SIDT2: variants seen among roughly 807,000 people sequenced by gnomAD.
The protein encoded by SIDT2 is SID1 transmembrane family member 2.
Under a neutral mutation model 114.4 loss-of-function variants are expected in SIDT2, and 68 were observed. The ratio of observed to expected loss-of-function variants is 0.59; its 90% CI spans 0.49 to 0.73. The LOEUF is 0.73. Ranked by LOEUF, SIDT2 falls within the 30% of genes least tolerant of loss-of-function variation. SIDT2 has a pLI of 0.00. For missense variants in SIDT2, 918 were observed against 1,097.1 expected, an observed-to-expected ratio of 0.84 and a Z score of 2.31; for synonymous variants, 470 against 438.4, an observed-to-expected ratio of 1.07 and a Z score of -0.90.
intron 2 of SIDT2, 105 bp from the exon 3 acceptor site, chr11:117,181,702 G>C: frequency 6.3e-7 from 1 of 1,578,568 alleles, no homozygotes; most frequent in Non-Finnish European, 8.6e-7. Context: ...GCACCTCGCA[G>C]GGAGGTGGTG....
At position 117,179,297 on chromosome 11, in the gene SIDT2, TTGG is replaced by T. The variant is rs2030166852; in HGVS notation, c.38_40del (p.Val13del). ...TCTGGGCTTGCCCTTCTTGGTGCTCTTGGTGGCCTCGGTCGAGAGCCATCTGGG... is the reference window on the plus strand; with the variant it reads ...TCTGGGCTTGCCCTTCTTGGTGCTCTTGGCCTCGGTCGAGAGCCATCTGGG... On this transcript the variant is annotated inframe_deletion, in exon 1 of 26. Transcript: ENST00000324225. The T allele has an allele frequency of 6.2e-7, 1 of 1,614,050 alleles. No individual in the cohort carries two copies. The highest frequency in any genetic ancestry group is 8.5e-7 in the Non-Finnish European group (1 of 1,179,982).
intron 4 of SIDT2, 55 bp downstream of exon 4, chr11:117,182,160 G>C (rs1400479096): frequency 6.3e-7 from 1 of 1,598,078 alleles, no homozygotes; most frequent in African/African-American, 1.3e-5. Context: ...TTGAATATGA[G>C]AATGGGAGTG....
Position 117,192,641 on chromosome 11 carries a change from G to C in SIDT2, c.2049G>C (p.Pro683=). 2 of 1,612,372 alleles carry C rather than the reference G, an allele frequency of 1.2e-6. No homozygotes were observed. The highest frequency in any genetic ancestry group is 8.5e-7 in the Non-Finnish European group (1 of 1,180,036). The change falls in exon 21 of 26, where the codon CCG becomes CCC. Residue 683 remains proline, a synonymous_variant. Coordinates refer to ENST00000324225, the MANE Select transcript of SIDT2 (RefSeq NM_001040455.2). This position sits in a 1 kb window ranked among gnomAD's most constrained non-coding sequence, Gnocchi z 5.9. ...YTDCIRQCSG[P]LYVDRMVLLV... ...ACTGCATCCGGCAGTGCAGCGGGCC[G>C]CTCTACGTGGTACCTGCCTGGTTCC...
At chr11:117,179,655 A>G in intron 1 of SIDT2, 1 of 555,274 alleles carries the variant, frequency 1.8e-6, no homozygotes, top group Non-Finnish European at 3.1e-6. Flanking sequence ...CAGTTTTTGA[A>G]GTTGGCTCAT....
chr11:117,184,020 G>T, intron 7 of SIDT2, 54 bp from the exon 8 acceptor site: 1 of 1,603,052 alleles, frequency 6.2e-7, no homozygotes, highest in South Asian at 1.1e-5. Flanking sequence ...TGATCCCACT[G>T]ACTCTAGCCA....
chr11:117,191,567 G>C (rs1460942767), intron 18 of SIDT2: 2 of 333,606 alleles, frequency 6.0e-6, no homozygotes, highest in East Asian at 6.6e-5. Context: ...CTGGGCGACA[G>C]AGTGAGACTC....
rs201794402 is a variant in SIDT2 at position 117,190,075 on chromosome 11, G to T, written c.1493+50G>T. 13 of 1,613,884 alleles carry T rather than the reference G, an allele frequency of 8.1e-6. No individual in the cohort carries two copies. The East Asian group carries it at 2.0e-4, about 25-fold the overall frequency. ...TTGTCCAGGCCAAGGGTGAAATGGG[G>T]CAGGGCCTGGGGCTTTGCAATGCCC... On this transcript the variant is annotated intron_variant, in intron 16 of 25. Coordinates refer to ENST00000324225, the MANE Select transcript of SIDT2 (RefSeq NM_001040455.2). This position sits in a 1 kb window ranked among gnomAD's most constrained non-coding sequence, Gnocchi z 4.1.
chr11:117,183,905 A>G (rs769510175), intron 7 of SIDT2, 27 bp downstream of exon 7: 8 of 1,569,958 alleles, frequency 5.1e-6, no homozygotes, highest in Middle Eastern at 1.7e-4. Context: ...GGGCCTGGCT[A>G]GGGATGGGGA....
At chr11:117,191,320 A>G (rs1165150245) in intron 18 of SIDT2, 1 of 152,770 alleles carries the variant, frequency 6.5e-6, no homozygotes, top group African/African-American at 2.5e-5. Flanking sequence ...ACTGTGGCTC[A>G]TGCCTGTAAT....
intron 24 of SIDT2, among the ~76,000 whole-genome samples, chr11:117,194,665 G>A (rs1336962571): frequency 2.0e-5 from 3 of 152,218 alleles, no homozygotes; most frequent in South Asian, 2.1e-4. Flanking sequence ...TGCTGTTTAC[G>A]ATGTGATACA....
At chr11:117,182,371 G>T in intron 4 of SIDT2, 148 bp from the exon 5 acceptor site, 1 of 756,280 alleles carries the variant, frequency 1.3e-6, no homozygotes, top group Non-Finnish European at 2.2e-6. Context: ...AGGGGCTGCT[G>T]TGATCAAGGC....
Position 117,178,876 on chromosome 11 carries a change from G to GC in SIDT2, c.-386dup, listed in dbSNP as rs1431495357. The stretch of plus-strand genomic sequence containing the variant: ...ACTCTGCGACTCGCCTTCCTCCGCG[G>GC]CCAGCCCCCGCCGCCGGCTCTTCCT... On this transcript the variant is annotated 5_prime_UTR_variant, in exon 1 of 26. Transcript: ENST00000324225. 2.0e-5 allele frequency: 4 copies of GC among 203,598 alleles called. No homozygotes were observed. The highest frequency in any genetic ancestry group is 4.0e-5 in the Non-Finnish European group (4 of 99,750). The allele number at this position is 203,598 out of a possible 1,614,324, so 12.6% of individuals were successfully genotyped here.
At chr11:117,181,633 C>A (rs1261085244) in intron 2 of SIDT2, 96 bp downstream of exon 2, 5 of 1,591,546 alleles carry the variant, frequency 3.1e-6, no homozygotes, top group African/African-American at 1.3e-5. Flanking sequence ...CTCCCCTTTC[C>A]CTGGGCTGGG....
chr11:117,181,602 C>G, intron 2 of SIDT2, 65 bp downstream of exon 2: 4 of 1,605,864 alleles, frequency 2.5e-6, no homozygotes, highest in Non-Finnish European at 3.4e-6. Flanking sequence ...GGAGCCTCAA[C>G]CAGGAGCCCC....
In SIDT2 at chr11:117,190,492, C is replaced by A; in HGVS notation, c.1618-131C>A. 2 of 1,097,234 alleles carry A rather than the reference C, an allele frequency of 1.8e-6. No individual in the cohort carries two copies. The highest frequency in any genetic ancestry group is 2.6e-6 in the Non-Finnish European group (2 of 768,624). 68.0% of individuals were successfully genotyped at this position (1,097,234 alleles called of 1,614,324 possible). On this transcript the variant is annotated intron_variant, in intron 17 of 25. Coordinates refer to ENST00000324225, the MANE Select transcript of SIDT2 (RefSeq NM_001040455.2). The surrounding 1 kb of genome is among the most constrained non-coding windows in gnomAD (Gnocchi z 4.1). ...CCAGCCTGCCCAGGCCAGCCCACCC[C>A]TGCACACCCACACTCGACACATACC...
At chr11:117,184,186 T>G in intron 8 of SIDT2, 47 bp downstream of exon 8, 3 of 1,586,454 alleles carry the variant, frequency 1.9e-6, no homozygotes, top group Non-Finnish European at 2.6e-6. Flanking sequence ...CCTCTCTGGC[T>G]CCTGCTTTCA....
rs773631722 is a variant in SIDT2, at chr11:117,197,124, G to T, written c.*1058G>T. On this transcript the variant is annotated 3_prime_UTR_variant, in exon 26 of 26. Coordinates refer to ENST00000324225, the MANE Select transcript of SIDT2 (RefSeq NM_001040455.2). The stretch of plus-strand genomic sequence containing the variant: ...TCCGTCCAGTCTTCAGGCAAGTTCT[G>T]TGTTAGTCATGCACACACATACCTA... The T allele has an allele frequency of 1.3e-5, 2 of 152,362 alleles. No homozygotes were observed. The highest frequency in any genetic ancestry group is 2.9e-5 in the Non-Finnish European group (2 of 68,092). 9.4% of individuals were successfully genotyped at this position (152,362 alleles called of 1,614,324 possible).
chr11:117,192,427 C>A lies in SIDT2; in HGVS notation c.1981+65C>A, dbSNP rs892842057. 5 of 1,387,544 alleles carry A rather than the reference C, an allele frequency of 3.6e-6. No individual in the cohort carries two copies. The highest frequency in any genetic ancestry group is 5.1e-6 in the Non-Finnish European group (5 of 982,700). 86.0% of individuals were successfully genotyped at this position (1,387,544 alleles called of 1,614,324 possible). ...GGGGGGCCTTGGGAACCCGGACGCA[C>A]GGGAGACGCTCAGGTTCTGTCTTGG... On this transcript the variant is annotated intron_variant, in intron 20 of 25. Transcript: ENST00000324225. The surrounding 1 kb of genome is among the most constrained non-coding windows in gnomAD (Gnocchi z 5.9).
intron 7 of SIDT2, 97 bp from the exon 8 acceptor site, chr11:117,183,977 A>T (rs1477025687): frequency 1.3e-6 from 2 of 1,521,598 alleles, no homozygotes; most frequent in Non-Finnish European, 1.8e-6. Flanking sequence ...ACCTGATAGG[A>T]CATGGGTTTT....
Sources: gnomAD v4.1 joint callset for allele counts (sites outside exome capture counted in the v4.1 genomes callset) on GRCh38, gnomAD v4.1.1 for gene constraint, Gnocchi (gnomAD v3.1) non-coding constraint, MANE v1.5 for transcripts, NCBI Gene and HGNC (gene_info 2026-07-23, HGNC 2026-07-21) for gene names.